Variants in CLIC5 observed in about 807,000 individuals in gnomAD.
The protein encoded by CLIC5 is chloride intracellular channel protein 5.
CLIC5 carries 20 observed loss-of-function variants against 24.7 expected under a neutral mutation model. The ratio of observed to expected loss-of-function variants is 0.81; its 90% CI spans 0.57 to 1.18. CLIC5 has a LOEUF of 1.18. Among genes scored for constraint, CLIC5 ranks in the 50% most tolerant of loss-of-function variants. The pLI is 0.00. For synonymous variants in CLIC5, 159 were observed against 135.6 expected, an observed-to-expected ratio of 1.17 and a Z score of -1.20; for missense variants, 341 against 326.1, an observed-to-expected ratio of 1.05 and a Z score of -0.35.
rs140313527 is a variant in CLIC5 at position 46,027,070 on chromosome 6, A to G, written c.540+52633T>C. Among the ~76,000 whole-genome samples the G allele has an allele frequency of 5.5e-3, 844 of 152,318 alleles. 9 individuals carry two copies. The highest frequency in any genetic ancestry group is 7.7e-3 in the Non-Finnish European group (525 of 68,030). ...CTCCGAGAGACATTGAATATACCTTAGGGAATAAAACAGTTGTGAACATCC... is the reference window on the plus strand; with the variant it reads ...CTCCGAGAGACATTGAATATACCTTGGGGAATAAAACAGTTGTGAACATCC... On this transcript the variant is annotated intron_variant, in intron 1 of 5. Coordinates refer to the CLIC5 transcript ENST00000185206.
intron 1 of CLIC5, among the ~76,000 whole-genome samples, chr6:45,971,354 G>A (rs1159752238): frequency 6.6e-6 from 1 of 152,102 alleles, no homozygotes; most frequent in African/African-American, 2.4e-5. Context: ...GTGCCGAACA[G>A]GGTTGTTGTA....
chr6:46,109,812 G>GAGAATTTCCCAATTTGGAAA, the CLIC5 span, among the ~76,000 whole-genome samples: 49 of 152,248 alleles, frequency 3.2e-4, 1 homozygote, highest in East Asian at 9.5e-3. Flanking sequence ...TTTGGAAACT[G>GAGAATTTCCCAATTTGGAAA]TTGGGAAAAG....
intron 4 of CLIC5, among the ~76,000 whole-genome samples, chr6:45,922,182 A>C (rs1456119372): frequency 1.3e-5 from 2 of 152,214 alleles, no homozygotes; most frequent in Non-Finnish European, 2.9e-5. Context: ...GGGGAGGATG[A>C]ATTAAATGAC....
At chr6:46,108,578 T>C in the CLIC5 span, among the ~76,000 whole-genome samples, 2 of 152,100 alleles carry the variant, frequency 1.3e-5, no homozygotes, top group African/African-American at 4.8e-5. Flanking sequence ...TTTGTATTTT[T>C]AGTAGAGACA....
At chr6:45,993,913 C>A (rs147674207) in intron 1 of CLIC5, among the ~76,000 whole-genome samples, 2 of 152,324 alleles carry the variant, frequency 1.3e-5, no homozygotes, top group Admixed American at 1.3e-4. Context: ...AGCTCACCAC[C>A]TTTCTCAAGA....
chr6:46,022,136 T>C (rs1277331064), intron 1 of CLIC5, among the ~76,000 whole-genome samples: 2 of 152,188 alleles, frequency 1.3e-5, no homozygotes, highest in African/African-American at 2.4e-5. Context: ...CAAACTTTCA[T>C]TGAAATAACA....
chr6:46,026,803 G>A (rs1057236653), intron 1 of CLIC5, among the ~76,000 whole-genome samples: 9 of 151,998 alleles, frequency 5.9e-5, no homozygotes, highest in African/African-American at 2.2e-4. Context: ...CCCATTTCCA[G>A]CTAAGTAGAC....
intron 3 of CLIC5, among the ~76,000 whole-genome samples, chr6:45,942,952 C>T (rs978021015): frequency 2.6e-5 from 4 of 152,312 alleles, no homozygotes; most frequent in Non-Finnish European, 5.9e-5. Context: ...AACCTGGTTT[C>T]CTGGCCCTAC....
At chr6:46,119,562 A>G in the CLIC5 span, among the ~76,000 whole-genome samples, 1 of 152,212 alleles carries the variant, frequency 6.6e-6, no homozygotes. Flanking sequence ...GGTTCATCTC[A>G]CTGAGGCTTG....
At position 45,986,979 on chromosome 6, in the gene CLIC5, A is replaced by G. The variant is rs550503996; in HGVS notation, c.63+28501T>C. Among the ~76,000 whole-genome samples, 5 of 152,358 alleles carry G rather than the reference A, an allele frequency of 3.3e-5. No homozygotes were observed. In the South Asian group the frequency reaches 1.0e-3, roughly 32 times the overall value. ...GAGTCATTTTCCATGAACTACTCAC[A>G]TGTATCAGTGGCAGTGTGTCTCACT... On this transcript the variant is annotated intron_variant, in intron 1 of 5. Coordinates refer to ENST00000339561, the MANE Select transcript of CLIC5 (RefSeq NM_016929.5).
At chr6:45,906,018 C>T (rs951347374) in intron 5 of CLIC5, among the ~76,000 whole-genome samples, 2 of 152,046 alleles carry the variant, frequency 1.3e-5, no homozygotes, top group Non-Finnish European at 1.5e-5. Flanking sequence ...ATCAGATGAC[C>T]GTAGGTGTGT....
downstream of CLIC5, among the ~76,000 whole-genome samples, chr6:45,894,679 T>C (rs1266544989): frequency 2.6e-5 from 4 of 152,238 alleles, no homozygotes; most frequent in African/African-American, 7.2e-5. Context: ...AGAGTCTTAG[T>C]AGCACATCAG....
chr6:45,899,791 T>C lies in CLIC5; in HGVS notation c.*3297A>G, dbSNP rs1222406129. 2 of 152,204 alleles carry C rather than the reference T, an allele frequency of 1.3e-5. No homozygotes were observed. The highest frequency in any genetic ancestry group is 3.9e-4 in the East Asian group (2 of 5,194). The allele number at this position is 152,204 out of a possible 1,614,324, so 9.4% of individuals were successfully genotyped here. On this transcript the variant is annotated 3_prime_UTR_variant, in exon 6 of 6. Coordinates refer to ENST00000339561, the MANE Select transcript of CLIC5 (RefSeq NM_016929.5). ...GGCCTTTTTCTGATAAGATCAAGAC[T>C]TCACTGGCCCCACCAGCACAAGAAG...
At chr6:45,963,194 T>C (rs1764907423) in intron 1 of CLIC5, among the ~76,000 whole-genome samples, 1 of 152,184 alleles carries the variant, frequency 6.6e-6, no homozygotes, top group Admixed American at 6.5e-5. Context: ...TTTTCCTTTG[T>C]GTCTTCATCC....
chr6:46,113,365 C>T, the CLIC5 span, among the ~76,000 whole-genome samples: 5 of 151,924 alleles, frequency 3.3e-5, no homozygotes, highest in Non-Finnish European at 5.9e-5. Flanking sequence ...GAGTAGGGTT[C>T]GGGAAGAAGG....
intron 1 of CLIC5, among the ~76,000 whole-genome samples, chr6:46,023,808 A>T (rs1208670756): frequency 6.6e-6 from 1 of 152,142 alleles, no homozygotes; most frequent in East Asian, 1.9e-4. Context: ...CTTTGGCAAG[A>T]TCACCTTAAA....
At chr6:45,955,752 T>C (rs559119617) in intron 1 of CLIC5, among the ~76,000 whole-genome samples, 5 of 146,428 alleles carry the variant, frequency 3.4e-5, no homozygotes, top group Admixed American at 2.1e-4. Context: ...CCCTCAGTCC[T>C]TGGATGTCAT....
At chr6:45,995,750 TGTG>T (rs1394720941) in intron 1 of CLIC5, among the ~76,000 whole-genome samples, 1 of 152,146 alleles carries the variant, frequency 6.6e-6, no homozygotes, top group Non-Finnish European at 1.5e-5. Flanking sequence ...GATAAAGAAA[TGTG>T]GTACACATAC....
At chr6:46,041,384 G>A (rs1161377277) in intron 1 of CLIC5, among the ~76,000 whole-genome samples, 3 of 152,128 alleles carry the variant, frequency 2.0e-5, no homozygotes, top group Non-Finnish European at 1.5e-5. Flanking sequence ...ATGCAGGGTC[G>A]TGGTTGAATT....
Sources: allele counts gnomAD v4.1 joint callset (sites outside exome capture counted in the v4.1 genomes callset), GRCh38; gene constraint gnomAD v4.1.1; transcripts MANE v1.5; gene names NCBI Gene and HGNC (gene_info 2026-07-23, HGNC 2026-07-21).